The following TSPAN9 variants were observed in gnomAD, a reference collection of about 807,000 sequenced individuals.
TSPAN9 encodes tetraspanin 9, also known as tetraspanin-9.
In TSPAN9, 16 loss-of-function variants were observed where a neutral mutation model predicts 31.0. The observed-to-expected ratio is 0.52, with a 90% CI of 0.35 to 0.78. The LOEUF is 0.78. TSPAN9 is among the 30% of genes least tolerant of loss of function. TSPAN9 has a pLI of 0.01. For missense variants in TSPAN9, 272 were observed against 312.5 expected, an observed-to-expected ratio of 0.87 and a Z score of 0.98; for synonymous variants, 145 against 121.6, an observed-to-expected ratio of 1.19 and a Z score of -1.27.
intron 3 of TSPAN9, among the ~76,000 whole-genome samples, chr12:3,205,909 C>A (rs1353510867): frequency 6.6e-6 from 1 of 152,008 alleles, no homozygotes; most frequent in Non-Finnish European, 1.5e-5. Context: ...TTCACTTCCT[C>A]TCCACAGCAT....
At chr12:3,137,595 T>TG (rs1464445966) in intron 2 of TSPAN9, among the ~76,000 whole-genome samples, 3 of 152,150 alleles carry the variant, frequency 2.0e-5, no homozygotes, top group Non-Finnish European at 4.4e-5. Context: ...TCCAGCCAGA[T>TG]GGAGGAGGGC....
intron 2 of TSPAN9, among the ~76,000 whole-genome samples, chr12:3,084,454 G>A (rs1204290887): frequency 6.6e-6 from 1 of 152,086 alleles, no homozygotes; most frequent in African/African-American, 2.4e-5. Context: ...AGTCGGTGGA[G>A]CAGGGAGAGG....
chr12:3,265,444 C>T (rs1293275702), intron 3 of TSPAN9, among the ~76,000 whole-genome samples: 1 of 152,214 alleles, frequency 6.6e-6, no homozygotes, highest in African/African-American at 2.4e-5. Flanking sequence ...TTATTATTTC[C>T]ATGAGCTCCT....
rs1488219133 is a variant in TSPAN9 at position 3,107,233 on chromosome 12, T to C, written c.-18+23514T>C. 1.3e-5 allele frequency among the ~76,000 whole-genome samples: 2 copies of C among 151,932 alleles called. No homozygotes were observed. The highest frequency in any genetic ancestry group is 3.9e-4 in the East Asian group (2 of 5,166). ...TATCTAGAAAGCTGCCTCCATAAAT[T>C]TGAGTTAGAGTGGTGGAGGGGCCAG... is the stretch of plus-strand genomic sequence containing the variant. On this transcript the variant is annotated intron_variant, in intron 2 of 8. Transcript: ENST00000011898. The surrounding 1 kb of genome is among the most constrained non-coding windows in gnomAD (Gnocchi z 4.1).
chr12:3,165,550 G>A (rs946160565), intron 2 of TSPAN9, among the ~76,000 whole-genome samples: 22 of 152,128 alleles, frequency 1.4e-4, no homozygotes, highest in African/African-American at 5.1e-4. Context: ...TGTTGCTGCC[G>A]CCGTACTGCA....
Position 3,107,527 on chromosome 12 carries a change from C to A in TSPAN9, c.-18+23808C>A, listed in dbSNP as rs1036212880. Among the ~76,000 whole-genome samples the A allele has an allele frequency of 6.6e-6, 1 of 152,162 alleles. No individual in the cohort carries two copies. The highest frequency in any genetic ancestry group is 2.4e-5 in the African/African-American group (1 of 41,434). ...GGACCAAGGACAGCAGACCCCCAGT[C>A]CAGCCCCCCTATCCCTGTGCCCTTC... On this transcript the variant is annotated intron_variant, in intron 2 of 8. Transcript: ENST00000011898. The surrounding 1 kb of genome is among the most constrained non-coding windows in gnomAD (Gnocchi z 4.1).
At chr12:3,164,706 C>G (rs2098347355) in intron 2 of TSPAN9, among the ~76,000 whole-genome samples, 1 of 152,150 alleles carries the variant, frequency 6.6e-6, no homozygotes, top group Non-Finnish European at 1.5e-5. Flanking sequence ...GATATTGCTA[C>G]TTGATCACAG....
intron 3 of TSPAN9, among the ~76,000 whole-genome samples, chr12:3,240,344 C>T (rs977693156): frequency 2.6e-5 from 4 of 152,044 alleles, no homozygotes; most frequent in Non-Finnish European, 5.9e-5. Context: ...GGGAGCAGCC[C>T]GGGAGCATCG....
intron 3 of TSPAN9, among the ~76,000 whole-genome samples, chr12:3,261,905 G>A (rs914005608): frequency 6.6e-6 from 1 of 152,206 alleles, no homozygotes; most frequent in Non-Finnish European, 1.5e-5. Flanking sequence ...GGCCTGGGTG[G>A]CACTGGCTAA....
intron 2 of TSPAN9, among the ~76,000 whole-genome samples, chr12:3,140,476 G>A (rs1325841527): frequency 1.3e-5 from 2 of 152,182 alleles, no homozygotes; most frequent in Admixed American, 6.5e-5. Flanking sequence ...CACTGGCCAC[G>A]GATCAGCTGA....
At chr12:3,080,623 A>G (rs2153961503) in intron 1 of TSPAN9, among the ~76,000 whole-genome samples, 1 of 152,354 alleles carries the variant, frequency 6.6e-6, no homozygotes, top group Middle Eastern at 3.4e-3. Context: ...AGCATGAGCC[A>G]CCGCGCCTGG....
chr12:3,135,581 G>A (rs1565588266), intron 2 of TSPAN9, among the ~76,000 whole-genome samples: 1 of 152,172 alleles, frequency 6.6e-6, no homozygotes, highest in African/African-American at 2.4e-5. Flanking sequence ...TTGAGGGGCT[G>A]TGGCCCTGAG....
intron 3 of TSPAN9, chr12:3,211,607 T>C: frequency 1.8e-6 from 2 of 1,109,054 alleles, no homozygotes; most frequent in Non-Finnish European, 1.3e-6. Flanking sequence ...TTTTTTTTTT[T>C]TATCCAAAAT....
chr12:3,217,846 G>A (rs2098382151), intron 3 of TSPAN9, among the ~76,000 whole-genome samples: 1 of 152,064 alleles, frequency 6.6e-6, no homozygotes, highest in Non-Finnish European at 1.5e-5. Flanking sequence ...TTGCTTCTCG[G>A]TGTCACCACT....
At chr12:3,161,979 C>T (rs949248610) in intron 2 of TSPAN9, among the ~76,000 whole-genome samples, 2 of 152,140 alleles carry the variant, frequency 1.3e-5, no homozygotes, top group African/African-American at 4.8e-5. Context: ...TGGTGCCTGC[C>T]TGGCCTCCTC....
chr12:3,235,520 T>C (rs1308768411), intron 3 of TSPAN9, among the ~76,000 whole-genome samples: 1 of 152,048 alleles, frequency 6.6e-6, no homozygotes. Flanking sequence ...GAGATCATGT[T>C]TGTGAAAGTT....
chr12:3,192,045 C>T lies in TSPAN9; in HGVS notation c.-17-9132C>T, dbSNP rs550750063. ...ATCCAAGCAGAGGGAACAGCATGGG[C>T]GGAGGCTCTGAGGAGGTCAGAGCAC... On this transcript the variant is annotated intron_variant, in intron 2 of 8. Coordinates refer to ENST00000011898, the MANE Select transcript of TSPAN9 (RefSeq NM_006675.5). This position sits in a 1 kb window ranked among gnomAD's most constrained non-coding sequence, Gnocchi z 4.6. Among the ~76,000 whole-genome samples, 7 of 152,126 alleles carry T rather than the reference C, an allele frequency of 4.6e-5. No homozygotes were observed. Among genetic ancestry groups the T allele is most frequent in the African/African-American group, 1.2e-4 (5 of 41,504 alleles).
chr12:3,112,533 T>G (rs577442226), intron 2 of TSPAN9, among the ~76,000 whole-genome samples: 31 of 142,914 alleles, frequency 2.2e-4, no homozygotes, highest in African/African-American at 7.6e-4. Flanking sequence ...TTTTTTTCCT[T>G]AGTCTGGTTA....
At chr12:3,182,861 C>T (rs879547372) in intron 2 of TSPAN9, among the ~76,000 whole-genome samples, 5 of 152,176 alleles carry the variant, frequency 3.3e-5, no homozygotes, top group African/African-American at 4.8e-5. Context: ...CCAGGCCACG[C>T]AGCCCTCCCT....
Sources: allele counts gnomAD v4.1 joint callset (sites outside exome capture counted in the v4.1 genomes callset), GRCh38; gene constraint gnomAD v4.1.1; non-coding constraint Gnocchi (gnomAD v3.1); transcripts MANE v1.5; gene names NCBI Gene and HGNC (gene_info 2026-07-23, HGNC 2026-07-21).